RABGAP1L: variants seen among roughly 807,000 people sequenced by gnomAD.
RABGAP1L encodes the protein RAB GTPase activating protein 1 like, also known as rab GTPase-activating protein 1-like.
In RABGAP1L, 63 loss-of-function variants were observed where a neutral mutation model predicts 137.7. The ratio of observed to expected loss-of-function variants is 0.46; its 90% CI spans 0.37 to 0.56. RABGAP1L has a LOEUF of 0.56. Among genes scored for constraint, RABGAP1L ranks in the 20% least tolerant of loss-of-function variants. RABGAP1L has a pLI of 0.00. For synonymous variants in RABGAP1L, 431 were observed against 433.7 expected (o/e 0.99, Z 0.08); for missense variants, 1,095 against 1,244.0 (o/e 0.88, Z 1.80).
At chr1:174,528,830 G>A (rs773300624) in intron 13 of RABGAP1L, among the ~76,000 whole-genome samples, 3 of 151,510 alleles carry the variant, frequency 2.0e-5, no homozygotes, top group Non-Finnish European at 4.4e-5. Flanking sequence ...TGGGACCCTG[G>A]TAATTCAGAT....
chr1:174,323,843 TTA>T (rs1680224070), intron 11 of RABGAP1L, among the ~76,000 whole-genome samples: 1 of 152,186 alleles, frequency 6.6e-6, no homozygotes, highest in African/African-American at 2.4e-5. Context: ...CATGCATTTT[TTA>T]TGATAAATTA....
At chr1:174,635,355 G>C (rs1673913124) in intron 13 of RABGAP1L, among the ~76,000 whole-genome samples, 1 of 152,152 alleles carries the variant, frequency 6.6e-6, no homozygotes, top group Non-Finnish European at 1.5e-5. Context: ...CTTTCAGGTA[G>C]TTTATAAGTG....
At chr1:174,833,449 G>T (rs796598081) in intron 19 of RABGAP1L, among the ~76,000 whole-genome samples, 2,401 of 27,126 alleles carry the variant, frequency 0.089, 234 homozygotes, top group East Asian at 0.29. Context: ...TGTGTGTAGA[G>T]ATATATATAT....
Position 174,448,321 on chromosome 1 carries a change from G to A in RABGAP1L, c.1710+54176G>A, listed in dbSNP as rs1188425682. 4 of 1,613,636 alleles carry A rather than the reference G, an allele frequency of 2.5e-6. No homozygotes were observed. In the Admixed American group the frequency reaches 5.0e-5, roughly 20 times the overall value. ...TCTTTGTCTTTCATTGTGCTCCACT[G>A]TTACATCATTATACTACCAGCTATT... On this transcript the variant is annotated intron_variant, in intron 13 of 25. Coordinates refer to ENST00000681986, the MANE Select transcript of RABGAP1L (RefSeq NM_001366446.1). This position sits in a 1 kb window ranked among gnomAD's most constrained non-coding sequence, Gnocchi z 4.2.
At chr1:174,465,207 G>A (rs1231652331) in intron 13 of RABGAP1L, among the ~76,000 whole-genome samples, 1 of 151,866 alleles carries the variant, frequency 6.6e-6, no homozygotes, top group Admixed American at 6.6e-5. Flanking sequence ...TATTTATTGA[G>A]CATTTTTTTT....
intron 17 of RABGAP1L, among the ~76,000 whole-genome samples, chr1:174,706,214 G>A (rs968121759): frequency 6.6e-6 from 1 of 152,090 alleles, no homozygotes; most frequent in Non-Finnish European, 1.5e-5. Flanking sequence ...GAATTTTATA[G>A]ACCTTGACAA....
At chr1:174,350,159 G>A (rs1239532475) in intron 11 of RABGAP1L, among the ~76,000 whole-genome samples, 3 of 138,246 alleles carry the variant, frequency 2.2e-5, no homozygotes, top group East Asian at 2.3e-4. Flanking sequence ...CCTCCCTCCC[G>A]GATGGGGCGG....
chr1:174,703,565 T>G (rs114685494), intron 17 of RABGAP1L, among the ~76,000 whole-genome samples: 1 of 152,204 alleles, frequency 6.6e-6, no homozygotes, highest in Non-Finnish European at 1.5e-5. Context: ...GCACGAATCT[T>G]TTTTTATACA....
intron 10 of RABGAP1L, among the ~76,000 whole-genome samples, chr1:174,281,325 C>T (rs1405513635): frequency 6.6e-6 from 1 of 152,148 alleles, no homozygotes; most frequent in East Asian, 1.9e-4. Flanking sequence ...GTCCATTTTA[C>T]AGAGTGCTGA....
chr1:174,938,186 C>G (rs1185976305), intron 19 of RABGAP1L, among the ~76,000 whole-genome samples: 1 of 152,080 alleles, frequency 6.6e-6, no homozygotes, highest in Non-Finnish European at 1.5e-5. Context: ...ACAGGTATAC[C>G]TCACTACTTG....
intron 11 of RABGAP1L, among the ~76,000 whole-genome samples, chr1:174,334,241 G>T (rs1024494462): frequency 2.8e-4 from 42 of 152,104 alleles, no homozygotes; most frequent in African/African-American, 9.7e-4. Context: ...AGTAAGTGGC[G>T]GCTTTTAGGC....
At chr1:174,834,615 G>GC (rs1692540296) in intron 19 of RABGAP1L, among the ~76,000 whole-genome samples, 1 of 47,702 alleles carries the variant, frequency 2.1e-5, no homozygotes, top group Non-Finnish European at 4.6e-5. Flanking sequence ...CCCCCCCGCC[G>GC]CCCCCCATTA....
chr1:174,569,613 T>C (rs1275263533), intron 13 of RABGAP1L, among the ~76,000 whole-genome samples: 1 of 152,212 alleles, frequency 6.6e-6, no homozygotes, highest in African/African-American at 2.4e-5. Flanking sequence ...GTATACTCTT[T>C]ACCTTGGCTA....
intron 18 of RABGAP1L, among the ~76,000 whole-genome samples, chr1:174,776,458 C>A (rs1686533118): frequency 6.6e-6 from 1 of 152,144 alleles, no homozygotes; most frequent in Non-Finnish European, 1.5e-5. Flanking sequence ...CAAAAACTTG[C>A]TACTTGTGGA....
In RABGAP1L at chr1:174,854,061, A is replaced by G. The variant is rs1343936930; in HGVS notation, c.2340+42101A>G. On this transcript the variant is annotated intron_variant, in intron 19 of 25. Transcript: ENST00000681986. ...TGGGAATGAGACTTTGAGAAGTATA[A>G]TGAATGTCAGATTGCAGGCTGCCCA... Among the ~76,000 whole-genome samples the G allele has an allele frequency of 2.6e-5, 4 of 152,214 alleles. No homozygotes were observed. The East Asian group carries it at 7.7e-4, about 29-fold the overall frequency.
intron 17 of RABGAP1L, among the ~76,000 whole-genome samples, chr1:174,727,044 C>T (rs1238330591): frequency 6.6e-6 from 1 of 152,098 alleles, no homozygotes; most frequent in Non-Finnish European, 1.5e-5. Context: ...TAAGCTTCTG[C>T]TTACAGTCTA....
chr1:174,323,668 A>G (rs967870410), intron 11 of RABGAP1L, among the ~76,000 whole-genome samples: 1 of 152,138 alleles, frequency 6.6e-6, no homozygotes, highest in Non-Finnish European at 1.5e-5. Flanking sequence ...CAAATAAACT[A>G]GTATGTTATC....
chr1:174,432,730 G>T lies in RABGAP1L; in HGVS notation c.1710+38585G>T, dbSNP rs1462834328. ...TTTTTGTATTTTCAGTAGGGACAGG[G>T]TTTCACCATGTTGGCCAGGATGGTC... On this transcript the variant is annotated intron_variant, in intron 13 of 25. Coordinates refer to ENST00000681986, the MANE Select transcript of RABGAP1L (RefSeq NM_001366446.1). Among the ~76,000 whole-genome samples the T allele has an allele frequency of 5.3e-5, 8 of 152,190 alleles. 1 individual carries two copies. The highest frequency in any genetic ancestry group is 1.9e-4 in the African/African-American group (8 of 41,534).
intron 11 of RABGAP1L, among the ~76,000 whole-genome samples, chr1:174,361,323 T>C (rs562980818): frequency 2.5e-4 from 38 of 152,006 alleles, no homozygotes; most frequent in African/African-American, 7.7e-4. Context: ...GTGAAGAATG[T>C]CATTGGTATT....
Sources: allele counts gnomAD v4.1 joint callset (sites outside exome capture counted in the v4.1 genomes callset), GRCh38; gene constraint gnomAD v4.1.1; non-coding constraint Gnocchi (gnomAD v3.1); transcripts MANE v1.5; gene names NCBI Gene and HGNC (gene_info 2026-07-23, HGNC 2026-07-21).